SLCO3A1: variants seen among roughly 807,000 people sequenced by gnomAD.
SLCO3A1 encodes PGE1 transporter.
In SLCO3A1, 27 loss-of-function variants were observed where a neutral mutation model predicts 63.1. The ratio of observed to expected loss-of-function variants is 0.43; its 90% confidence interval spans 0.32 to 0.59. The LOEUF (loss-of-function observed/expected upper bound fraction) is 0.59, where lower values mean the gene tolerates loss of function less well. Among genes scored for constraint, SLCO3A1 ranks in the 20% least tolerant of loss-of-function variants. The pLI is 0.09. For synonymous variants in SLCO3A1, 473 were observed against 409.9 expected, an observed-to-expected ratio of 1.15 and a Z score of -1.86; for missense variants, 773 against 945.8, an observed-to-expected ratio of 0.82 and a Z score of 2.40.
chr15:92,165,151 C>G lies in SLCO3A1; in HGVS notation c.*2016C>G. 1 of 985,350 alleles carries G rather than the reference C, an allele frequency of 1.0e-6. No homozygotes were observed. 61.0% of individuals were successfully genotyped at this position (985,350 alleles called of 1,614,324 possible). A position where few individuals can be genotyped will look rare whatever the true frequency, so the allele number is the denominator to read the frequency against. ...AGAGAAGGCACTCAGCAAGACCAACCAAAAGAAAAGCTGTGTCGTGGTATG... is the reference window on the plus strand; with the variant it reads ...AGAGAAGGCACTCAGCAAGACCAACGAAAAGAAAAGCTGTGTCGTGGTATG... On this transcript the variant is annotated 3_prime_UTR_variant, in exon 10 of 10. Transcript: ENST00000318445.
At chr15:92,142,184 C>T (rs534076852) in intron 7 of SLCO3A1, among the ~76,000 whole-genome samples, 14 of 152,358 alleles carry the variant, frequency 9.2e-5, no homozygotes, top group African/African-American at 3.4e-4. Context: ...TGGTCTTGTG[C>T]CGGTCTCTGG....
chr15:91,996,642 T>A (rs140129554), intron 2 of SLCO3A1, among the ~76,000 whole-genome samples: 106 of 152,276 alleles, frequency 7.0e-4, no homozygotes, highest in African/African-American at 2.4e-3. Flanking sequence ...GGCACAGGGA[T>A]ATAGAAATAG....
In SLCO3A1 at chr15:91,854,592, G is replaced by T. The variant is rs1043601259; in HGVS notation, c.180+504G>T. Among the ~76,000 whole-genome samples the T allele has an allele frequency of 1.3e-5, 2 of 152,112 alleles. No homozygotes were observed. Among genetic ancestry groups the T allele is most frequent in the African/African-American group, 4.8e-5 (2 of 41,400 alleles). ...CTTTCTACATCCGCCAATTACAGGG[G>T]GATATAACAGCTTAGAGTGAAATGC... On this transcript the variant is annotated intron_variant, in intron 1 of 9. Coordinates refer to ENST00000318445, the MANE Select transcript of SLCO3A1 (RefSeq NM_013272.4). The surrounding 1 kb of genome is among the most constrained non-coding windows in gnomAD (Gnocchi z 6.4).
intron 9 of SLCO3A1, among the ~76,000 whole-genome samples, chr15:92,155,593 A>G (rs1437001090): frequency 1.3e-5 from 2 of 152,022 alleles, no homozygotes; most frequent in South Asian, 2.1e-4. Context: ...GCAGCAGGTG[A>G]GCAGGGCATG....
intron 2 of SLCO3A1, among the ~76,000 whole-genome samples, chr15:92,069,375 TA>T (rs1597281224): frequency 6.6e-6 from 1 of 152,302 alleles, no homozygotes. Context: ...TTACGAGAAT[TA>T]AATAAAATAT....
chr15:91,981,670 C>G (rs1174828123), intron 2 of SLCO3A1, among the ~76,000 whole-genome samples: 1 of 152,150 alleles, frequency 6.6e-6, no homozygotes, highest in Non-Finnish European at 1.5e-5. Flanking sequence ...GTCATGCAGT[C>G]ACCCAATCCG....
intron 1 of SLCO3A1, among the ~76,000 whole-genome samples, chr15:91,866,576 A>G (rs200951826): frequency 2.1e-5 from 3 of 140,100 alleles, no homozygotes; most frequent in Non-Finnish European, 4.7e-5. Flanking sequence ...TCCTTTTTTT[A>G]AAAAAAAAAA....
At chr15:91,929,396 G>T (rs1899143872) in intron 2 of SLCO3A1, among the ~76,000 whole-genome samples, 1 of 152,194 alleles carries the variant, frequency 6.6e-6, no homozygotes, top group Non-Finnish European at 1.5e-5. Context: ...GGTCCATCTT[G>T]GGGAGTGAAG....
intron 2 of SLCO3A1, among the ~76,000 whole-genome samples, chr15:92,083,749 T>A (rs1271597965): frequency 6.6e-6 from 1 of 152,208 alleles, no homozygotes; most frequent in Non-Finnish European, 1.5e-5. Context: ...AGATGGTGAT[T>A]TGTGCTGTCA....
intron 2 of SLCO3A1, among the ~76,000 whole-genome samples, chr15:92,040,609 C>T (rs1280105556): frequency 1.3e-5 from 2 of 152,172 alleles, no homozygotes; most frequent in African/African-American, 2.4e-5. Flanking sequence ...ACCTTCCTCT[C>T]CTAAGAACCT....
intron 2 of SLCO3A1, among the ~76,000 whole-genome samples, chr15:92,070,370 CG>C (rs2047200678): frequency 6.6e-6 from 1 of 152,176 alleles, no homozygotes; most frequent in Non-Finnish European, 1.5e-5. Flanking sequence ...GGGTCGGGTG[CG>C]GTGGCTTACG....
intron 9 of SLCO3A1, chr15:92,153,598 G>A (rs1454447252): frequency 1.3e-5 from 2 of 152,242 alleles, no homozygotes; most frequent in African/African-American, 4.8e-5. Flanking sequence ...CAAGGGCAAT[G>A]GGGATACAAT....
chr15:92,164,272 G>A lies in SLCO3A1; in HGVS notation c.*1137G>A, dbSNP rs1357177046. ...AATTTTCATCATTTTATCCTCATTCGAATATTCTACAAAAACAAGAATATA... is the reference window on the plus strand; with the variant it reads ...AATTTTCATCATTTTATCCTCATTCAAATATTCTACAAAAACAAGAATATA... On this transcript the variant is annotated 3_prime_UTR_variant, in exon 10 of 10. Transcript: ENST00000318445. 16 of 983,218 alleles carry A rather than the reference G, an allele frequency of 1.6e-5. No homozygotes were observed. Among genetic ancestry groups the A allele is most frequent in the East Asian group, 1.1e-4 (1 of 8,784 alleles). 60.9% of individuals were successfully genotyped at this position (983,218 alleles called of 1,614,324 possible). A position where few individuals can be genotyped will look rare whatever the true frequency, so the allele number is the denominator to read the frequency against.
intron 2 of SLCO3A1, among the ~76,000 whole-genome samples, chr15:92,054,942 T>C (rs140158167): frequency 7.7e-4 from 118 of 152,320 alleles, no homozygotes; most frequent in African/African-American, 2.7e-3. Flanking sequence ...AATAGAATTA[T>C]TTATATTCCT....
At chr15:92,154,072 T>C (rs1211958878) in intron 9 of SLCO3A1, among the ~76,000 whole-genome samples, 2 of 152,214 alleles carry the variant, frequency 1.3e-5, no homozygotes, top group African/African-American at 2.4e-5. Context: ...TTGTCTGCCA[T>C]GTGGAGAATA....
rs1040319189 is a variant in SLCO3A1 at position 92,033,690 on chromosome 15, A to G, written c.647-61191A>G. ...AGGGAGAGAGACAGTAAACAATATAACTAAGAAGAGTAGGTGGTGGCTCGC... is the reference window on the plus strand; with the variant it reads ...AGGGAGAGAGACAGTAAACAATATAGCTAAGAAGAGTAGGTGGTGGCTCGC... On this transcript the variant is annotated intron_variant, in intron 2 of 9. Coordinates refer to ENST00000318445, the MANE Select transcript of SLCO3A1 (RefSeq NM_013272.4). The surrounding 1 kb of genome is among the most constrained non-coding windows in gnomAD (Gnocchi z 4.5). 3.3e-5 allele frequency among the ~76,000 whole-genome samples: 5 copies of G among 152,272 alleles called. No individual in the cohort carries two copies. Among genetic ancestry groups the G allele is most frequent in the Admixed American group, 6.5e-5 (1 of 15,300 alleles).
chr15:91,997,326 A>G (rs113168660), intron 2 of SLCO3A1, among the ~76,000 whole-genome samples: 1 of 152,206 alleles, frequency 6.6e-6, no homozygotes, highest in African/African-American at 2.4e-5. Flanking sequence ...TAGAAGGAAA[A>G]CTACAAAACA....
chr15:91,961,386 T>C (rs1471197215), intron 2 of SLCO3A1, among the ~76,000 whole-genome samples: 1 of 152,198 alleles, frequency 6.6e-6, no homozygotes, highest in Non-Finnish European at 1.5e-5. Flanking sequence ...GCATAGGCAA[T>C]AGTGGCGTGT....
In SLCO3A1 at chr15:92,063,052, A is replaced by T. The variant is rs115403137; in HGVS notation, c.647-31829A>T. Reference sequence around the variant, plus strand: ...AGGTCACCCAAAAAGAACAACCAAAATGGGCAGCTCAGAATAACGCCTTAA... The same window carrying T: ...AGGTCACCCAAAAAGAACAACCAAATTGGGCAGCTCAGAATAACGCCTTAA... On this transcript the variant is annotated intron_variant, in intron 2 of 9. Coordinates refer to ENST00000318445, the MANE Select transcript of SLCO3A1 (RefSeq NM_013272.4). Among the ~76,000 whole-genome samples, 791 of 152,270 alleles carry T rather than the reference A, an allele frequency of 5.2e-3. 8 individuals carry two copies. Among genetic ancestry groups the T allele is most frequent in the African/African-American group, 0.018 (765 of 41,564 alleles).
Sources: gnomAD v4.1 joint callset for allele counts (sites outside exome capture counted in the v4.1 genomes callset) on GRCh38, gnomAD v4.1.1 for gene constraint, Gnocchi (gnomAD v3.1) non-coding constraint, MANE v1.5 for transcripts, NCBI Gene and HGNC (gene_info 2026-07-23, HGNC 2026-07-21) for gene names.